ATXN7L1: variants seen among roughly 807,000 people sequenced by gnomAD.
ATXN7L1 encodes ataxin-7-like protein 1.
In ATXN7L1, 15 loss-of-function variants were observed where a neutral mutation model predicts 70.8. The ratio of observed to expected loss-of-function variants is 0.21; its 90% CI spans 0.14 to 0.33. ATXN7L1 has a LOEUF of 0.33. ATXN7L1 is among the 10% of genes least tolerant of loss of function. The probability of loss-of-function intolerance (pLI) is 1.00; values close to 1 mark genes in which losing one functional copy is unlikely to be tolerated. For synonymous variants in ATXN7L1, 440 were observed against 445.1 expected, an observed-to-expected ratio of 0.99 and a Z score of 0.14; for missense variants, 975 against 1,097.1, an observed-to-expected ratio of 0.89 and a Z score of 1.57.
chr7:105,685,956 A>G (rs549495996), intron 3 of ATXN7L1, among the ~76,000 whole-genome samples: 3 of 152,346 alleles, frequency 2.0e-5, no homozygotes, highest in Non-Finnish European at 4.4e-5. Flanking sequence ...TCTCAGGATC[A>G]AGGATATCCC....
intron 7 of ATXN7L1, among the ~76,000 whole-genome samples, chr7:105,626,911 A>G (rs916564785): frequency 6.6e-6 from 1 of 152,260 alleles, no homozygotes; most frequent in Non-Finnish European, 1.5e-5. Context: ...CACCCGGAAC[A>G]TGAAATGTGG....
chr7:105,837,548 CCATGACACTGCCTCCCATCCA>C (rs1225179069), intron 2 of ATXN7L1, among the ~76,000 whole-genome samples: 2 of 151,994 alleles, frequency 1.3e-5, no homozygotes, highest in Non-Finnish European at 2.9e-5. Flanking sequence ...GTGCATGGGA[CCATGACACTGCCTCCCATCCA>C]CAGCACCAGT....
chr7:105,835,439 G>A (rs1183175487), intron 2 of ATXN7L1, among the ~76,000 whole-genome samples: 1 of 98,590 alleles, frequency 1.0e-5, no homozygotes, highest in Non-Finnish European at 2.1e-5. Context: ...ACAGGCGTGA[G>A]CCAGTGTCCA....
chr7:105,720,387 A>C (rs1584824918), intron 3 of ATXN7L1, among the ~76,000 whole-genome samples: 1 of 151,708 alleles, frequency 6.6e-6, no homozygotes, highest in Admixed American at 6.6e-5. Flanking sequence ...AAAATACAAA[A>C]CCTGCCTCTT....
intron 4 of ATXN7L1, among the ~76,000 whole-genome samples, chr7:105,648,635 C>T (rs184264240): frequency 7.9e-5 from 12 of 152,234 alleles, no homozygotes; most frequent in Admixed American, 7.8e-4. Context: ...CCCGCGTGTG[C>T]CTATGCTGCA....
At chr7:105,727,793 C>CAT (rs1201316053) in intron 3 of ATXN7L1, among the ~76,000 whole-genome samples, 4 of 84,212 alleles carry the variant, frequency 4.7e-5, no homozygotes, top group Non-Finnish European at 6.6e-5. Context: ...CACATACACA[C>CAT]ATATATATAT....
At chr7:105,739,591 A>G (rs761485723) in intron 3 of ATXN7L1, among the ~76,000 whole-genome samples, 1 of 152,238 alleles carries the variant, frequency 6.6e-6, no homozygotes, top group Non-Finnish European at 1.5e-5. Context: ...GGGATGGAGA[A>G]TCCCACTTCT....
intron 3 of ATXN7L1, among the ~76,000 whole-genome samples, chr7:105,683,317 G>A (rs1418691653): frequency 6.6e-6 from 1 of 152,160 alleles, no homozygotes; most frequent in Non-Finnish European, 1.5e-5. Context: ...AAGATAGACT[G>A]GTTGTGGTGC....
chr7:105,766,968 A>C, intron 3 of ATXN7L1, among the ~76,000 whole-genome samples: 1 of 152,202 alleles, frequency 6.6e-6, no homozygotes. Context: ...CCCGAAATTC[A>C]GTCTTTCTGA....
chr7:105,610,572 T>G lies in ATXN7L1; in HGVS notation c.2504A>C (p.Gln835Pro). ...VGKNSSLALS[Q>P]SSPSSISSPG... ...GCTGGATATACTTGAAGGACTGGAT[T>G]GTGACAAAGCTAGGCTGCTATTTTT... Residue 835 changes from glutamine to proline, a missense_variant, in exon 11 of 12, where the codon CAA (glutamine) becomes CCA (proline). Transcript: ENST00000419735. 6.4e-7 allele frequency: 1 copy of G among 1,551,388 alleles called. No individual in the cohort carries two copies.
intron 2 of ATXN7L1, chr7:105,819,798 G>T: frequency 1.5e-6 from 1 of 654,486 alleles, no homozygotes; most frequent in Non-Finnish European, 2.9e-6. Flanking sequence ...AGCGCCTCAA[G>T]GTGTTTGACG....
At chr7:105,861,553 C>T (rs1234939542) in intron 2 of ATXN7L1, among the ~76,000 whole-genome samples, 2 of 151,756 alleles carry the variant, frequency 1.3e-5, no homozygotes, top group Non-Finnish European at 2.9e-5. Flanking sequence ...CTAGTGGAGT[C>T]TGAGATGCAC....
At chr7:105,700,156 C>T (rs894614684) in intron 3 of ATXN7L1, among the ~76,000 whole-genome samples, 2 of 151,986 alleles carry the variant, frequency 1.3e-5, no homozygotes, top group African/African-American at 4.8e-5. Context: ...CATGTGCACA[C>T]GATGTTTTCT....
intron 3 of ATXN7L1, among the ~76,000 whole-genome samples, chr7:105,706,552 A>G (rs2116254101): frequency 6.6e-6 from 1 of 152,200 alleles, no homozygotes; most frequent in East Asian, 1.9e-4. Flanking sequence ...AAACACCACC[A>G]CCACCACCAC....
At chr7:105,713,185 A>C (rs1179550310) in intron 3 of ATXN7L1, among the ~76,000 whole-genome samples, 1 of 152,184 alleles carries the variant, frequency 6.6e-6, no homozygotes, top group Non-Finnish European at 1.5e-5. Flanking sequence ...GCAAGGGGGA[A>C]ATTCACCCCC....
chr7:105,874,210 G>C (rs938278411), intron 2 of ATXN7L1, among the ~76,000 whole-genome samples: 1 of 152,126 alleles, frequency 6.6e-6, no homozygotes, highest in African/African-American at 2.4e-5. Context: ...ACAGGGACTG[G>C]GGGGAAAGGA....
At chr7:105,635,254 A>G (rs1797185935) in intron 7 of ATXN7L1, among the ~76,000 whole-genome samples, 1 of 152,134 alleles carries the variant, frequency 6.6e-6, no homozygotes, top group Non-Finnish European at 1.5e-5. Context: ...TGGGCTAGTC[A>G]TCCACAACCC....
chr7:105,696,274 A>C (rs894967886), intron 3 of ATXN7L1, among the ~76,000 whole-genome samples: 1 of 152,206 alleles, frequency 6.6e-6, no homozygotes, highest in Non-Finnish European at 1.5e-5. Flanking sequence ...ACTGCTAGTG[A>C]ATACTCACTC....
At chr7:105,662,755 A>T (rs979198442) in intron 4 of ATXN7L1, among the ~76,000 whole-genome samples, 35 of 152,120 alleles carry the variant, frequency 2.3e-4, no homozygotes, top group African/African-American at 7.7e-4. Flanking sequence ...CTGAAGAGCC[A>T]TTTCTCTAAT....
Sources: allele counts gnomAD v4.1 joint callset (sites outside exome capture counted in the v4.1 genomes callset), GRCh38; gene constraint gnomAD v4.1.1; transcripts MANE v1.5; gene names NCBI Gene and HGNC (gene_info 2026-07-23, HGNC 2026-07-21).